The following SMARCAD1 variants were observed in gnomAD, a reference collection of about 807,000 sequenced individuals.
SMARCAD1 encodes SWI/SNF-related matrix-associated actin-dependent regulator of chromatin subfamily A containing DEAD/H box 1.
SMARCAD1 carries 25 observed loss-of-function variants against 127.1 expected under a neutral mutation model. The ratio of observed to expected loss-of-function variants is 0.20; its 90% CI spans 0.14 to 0.27. SMARCAD1 has a LOEUF of 0.27. SMARCAD1 is among the 10% of genes least tolerant of loss of function. The probability of loss-of-function intolerance (pLI) is 1.00; values close to 1 mark genes in which losing one functional copy is unlikely to be tolerated. For synonymous variants in SMARCAD1, 400 were observed against 396.9 expected (o/e 1.01, Z -0.09); for missense variants, 807 against 1,206.0 (o/e 0.67, Z 4.90).
chr4:94,284,862 AT>A lies in SMARCAD1; in HGVS notation c.2910-94del. On this transcript the variant is annotated intron_variant, in intron 22 of 23. Transcript: ENST00000354268. ...AGAATTTAAGGATATGTTTGTCGTA[AT>A]TTTCAAAGTATTCTTTTTGAACTCT... 3.8e-6 allele frequency: 3 copies of A among 781,660 alleles called. No homozygotes were observed. The East Asian group carries it at 8.0e-5, about 21-fold the overall frequency. The allele number at this position is 781,660 out of a possible 1,614,324, so 48.4% of individuals were successfully genotyped here.
chr4:94,283,852 ACC>A (rs1754465140), intron 22 of SMARCAD1, among the ~76,000 whole-genome samples: 1 of 151,944 alleles, frequency 6.6e-6, no homozygotes, highest in Non-Finnish European at 1.5e-5. Flanking sequence ...AAAATTGTCT[ACC>A]CCTTTGAAAA....
At chr4:94,286,161 G>C (rs1416790516) in intron 23 of SMARCAD1, among the ~76,000 whole-genome samples, 2 of 152,154 alleles carry the variant, frequency 1.3e-5, no homozygotes, top group Non-Finnish European at 2.9e-5. Flanking sequence ...GAAGTGAAGA[G>C]AGGTAGGGAG....
At chr4:94,268,930 C>T (rs1752132490) in intron 10 of SMARCAD1, among the ~76,000 whole-genome samples, 1 of 151,960 alleles carries the variant, frequency 6.6e-6, no homozygotes, top group Admixed American at 6.6e-5. Context: ...ATAACATGTT[C>T]CATTTGTTAC....
intron 9 of SMARCAD1, among the ~76,000 whole-genome samples, chr4:94,255,786 G>A (rs1308442478): frequency 2.6e-5 from 4 of 151,498 alleles, no homozygotes; most frequent in South Asian, 2.1e-4. Context: ...TTATGCTTCA[G>A]CTTTATAATC....
Position 94,289,563 on chromosome 4 carries a change from A to G in SMARCAD1, c.*29A>G. On this transcript the variant is annotated 3_prime_UTR_variant, in exon 24 of 24. Coordinates refer to ENST00000354268, the MANE Select transcript of SMARCAD1 (RefSeq NM_020159.5). ...AAGAACTGTGAACTCTCAATTGATG[A>G]GGAAATATCAACTTGGTGCACTCAA... The G allele has an allele frequency of 6.4e-7, 1 of 1,554,894 alleles. No homozygotes were observed.
At chr4:94,275,195 C>T (rs149676050) in intron 14 of SMARCAD1, among the ~76,000 whole-genome samples, 8 of 152,010 alleles carry the variant, frequency 5.3e-5, no homozygotes, top group African/African-American at 1.9e-4. Flanking sequence ...AAGGTTTTGC[C>T]TAGTTATTGA....
chr4:94,274,787 C>G lies in SMARCAD1; in HGVS notation c.1722C>G (p.Leu574=), dbSNP rs1753030401. Residue 574 remains leucine, a synonymous_variant, in exon 13 of 24, where the codon CTC becomes CTG. Coordinates refer to ENST00000354268, the MANE Select transcript of SMARCAD1 (RefSeq NM_020159.5). ...VNLWCPTLKV[L]CYYGSQEERK... is the part of the protein sequence containing the mutation. The stretch of plus-strand genomic sequence containing the variant: ...TATGGTGCCCTACTTTGAAGGTCCT[C>G]TGTTACTATGGTAAGAATATGTCAT... 6.2e-7 allele frequency: 1 copy of G among 1,613,814 alleles called. No individual in the cohort carries two copies. Among genetic ancestry groups the G allele is most frequent in the Non-Finnish European group, 8.5e-7 (1 of 1,179,790 alleles).
In SMARCAD1 at chr4:94,208,438, A is replaced by G. The variant is rs770492286; in HGVS notation, c.44A>G (p.Asn15Ser). ...GACCGTTTTCGCTTTGAGAAAAGGA[A>G]TAAGATTGAGGAAGCGCCCGAAGCA... ...NLDRFRFEKR[N>S]KIEEAPEATP... The change falls in exon 2 of 24, where the codon AAT becomes AGT. Residue 15 changes from asparagine (N) to serine (S), a missense_variant. By Grantham distance (46) the Asn-to-Ser change is conservative (BLOSUM62 1). Around this residue, in one of 8 missense-constraint regions of SMARCAD1, gnomAD observed 175 missense variants for 169.5 expected, o/e 1.03. Transcript: ENST00000354268. 13 of 1,614,026 alleles carry G rather than the reference A, an allele frequency of 8.1e-6. No homozygotes were observed. The highest frequency in any genetic ancestry group is 6.7e-5 in the African/African-American group (5 of 74,906).
At chr4:94,278,901 T>G in intron 18 of SMARCAD1, 28 bp from the exon 19 acceptor site, 1 of 1,612,998 alleles carries the variant, frequency 6.2e-7, no homozygotes, top group Non-Finnish European at 8.5e-7. Flanking sequence ...TTGGTTTTAT[T>G]TTTTACTGTG....
chr4:94,216,120 G>A (rs1374909247), intron 2 of SMARCAD1, among the ~76,000 whole-genome samples: 1 of 152,080 alleles, frequency 6.6e-6, no homozygotes, highest in African/African-American at 2.4e-5. Context: ...AACCCCATGT[G>A]GCTGAATGAG....
At chr4:94,287,558 T>C (rs531279827) in intron 23 of SMARCAD1, among the ~76,000 whole-genome samples, 2 of 152,154 alleles carry the variant, frequency 1.3e-5, no homozygotes, top group African/African-American at 2.4e-5. Flanking sequence ...CCTAAGAAAT[T>C]GGCAATTTGA....
At chr4:94,212,823 C>T (rs923508918) in intron 2 of SMARCAD1, among the ~76,000 whole-genome samples, 3 of 152,040 alleles carry the variant, frequency 2.0e-5, no homozygotes, top group Admixed American at 6.6e-5. Flanking sequence ...CTTTAGCCAT[C>T]AGGTGTTCTT....
At chr4:94,231,120 G>GA (rs1745774996) in intron 3 of SMARCAD1, among the ~76,000 whole-genome samples, 1 of 152,188 alleles carries the variant, frequency 6.6e-6, no homozygotes, top group Non-Finnish European at 1.5e-5. Flanking sequence ...AAAGGATGTA[G>GA]AAAATCAGTC....
chr4:94,216,373 C>G (rs2632419), intron 2 of SMARCAD1, among the ~76,000 whole-genome samples: 1 of 152,142 alleles, frequency 6.6e-6, no homozygotes, highest in Non-Finnish European at 1.5e-5. Context: ...ATCCTTTCCT[C>G]TAAGTCTTCT....
chr4:94,212,966 C>G, intron 2 of SMARCAD1: 1 of 773,830 alleles, frequency 1.3e-6, no homozygotes, highest in Admixed American at 2.4e-5. Flanking sequence ...CTTCTCGGTG[C>G]CCAAAGTTGT....
intron 2 of SMARCAD1, among the ~76,000 whole-genome samples, chr4:94,220,868 C>A (rs1016783739): frequency 6.6e-6 from 1 of 152,186 alleles, no homozygotes; most frequent in Non-Finnish European, 1.5e-5. Flanking sequence ...TAGGAGATGT[C>A]TTTTTAATAC....
intron 9 of SMARCAD1, among the ~76,000 whole-genome samples, chr4:94,260,978 G>T (rs1750886083): frequency 6.6e-6 from 1 of 151,806 alleles, no homozygotes; most frequent in South Asian, 2.1e-4. Flanking sequence ...TTTATATTAG[G>T]AAGTTTCAGC....
intron 9 of SMARCAD1, among the ~76,000 whole-genome samples, chr4:94,256,091 G>C (rs1312862684): frequency 2.0e-5 from 3 of 152,114 alleles, no homozygotes; most frequent in African/African-American, 7.2e-5. Context: ...CAGTAGGGAG[G>C]GGATATTATT....
intron 5 of SMARCAD1, among the ~76,000 whole-genome samples, chr4:94,239,478 A>G (rs537211821): frequency 1.3e-5 from 2 of 151,876 alleles, no homozygotes; most frequent in Middle Eastern, 3.4e-3. Flanking sequence ...AAAAAAATGT[A>G]TATCCAAAGT....
Sources: gnomAD v4.1 joint callset for allele counts (sites outside exome capture counted in the v4.1 genomes callset) on GRCh38, gnomAD v4.1.1 for gene constraint, gnomAD v4.1.1 regional missense constraint, MANE v1.5 for transcripts, NCBI Gene and HGNC (gene_info 2026-07-23, HGNC 2026-07-21) for gene names.